LYRM4: variants seen among roughly 807,000 people sequenced by gnomAD.
LYRM4 encodes the protein LYR motif containing 4.
In LYRM4, 9 loss-of-function variants were observed where a neutral mutation model predicts 11.7. The ratio of observed to expected loss-of-function variants is 0.77; its 90% CI spans 0.46 to 1.34. The LOEUF is 1.34. LYRM4 is among the 40% of genes most tolerant of loss of function. The pLI, the probability that LYRM4 is intolerant of heterozygous loss-of-function variation, is 0.00. For missense variants in LYRM4, 133 were observed against 112.5 expected (o/e 1.18, Z -0.82); for synonymous variants, 42 against 40.4 (o/e 1.04, Z -0.15).
intron 1 of LYRM4, among the ~76,000 whole-genome samples, chr6:5,254,617 C>T (rs917488613): frequency 6.6e-6 from 1 of 152,192 alleles, no homozygotes; most frequent in African/African-American, 2.4e-5. Context: ...TGTGCCCTAA[C>T]AAAGGTAAGA....
chr6:5,075,172 C>T, the LYRM4 span, among the ~76,000 whole-genome samples: 1 of 152,150 alleles, frequency 6.6e-6, no homozygotes, highest in Non-Finnish European at 1.5e-5. Flanking sequence ...CCTGCAGAAC[C>T]GTGATCCAGT....
At chr6:5,162,416 T>C (rs934071072) in intron 2 of LYRM4, among the ~76,000 whole-genome samples, 1 of 152,086 alleles carries the variant, frequency 6.6e-6, no homozygotes, top group Non-Finnish European at 1.5e-5. Flanking sequence ...ATGACACTAC[T>C]GACCCTCGAC....
chr6:5,226,543 C>G (rs1186653384), intron 1 of LYRM4, among the ~76,000 whole-genome samples: 1 of 152,180 alleles, frequency 6.6e-6, no homozygotes, highest in Non-Finnish European at 1.5e-5. Context: ...TGCCACCATG[C>G]CCGGCTAATT....
the LYRM4 span, chr6:5,088,459 T>C: frequency 6.6e-6 from 1 of 152,226 alleles, no homozygotes; most frequent in Non-Finnish European, 1.5e-5. Context: ...GTGAGAATTA[T>C]ATAAAATATA....
the LYRM4 span, among the ~76,000 whole-genome samples, chr6:5,064,635 C>CAA: frequency 2.0e-5 from 3 of 152,224 alleles, no homozygotes; most frequent in Admixed American, 1.3e-4. Context: ...AACTCTTGGC[C>CAA]TCAAGGCAAT....
chr6:5,223,335 T>C lies in LYRM4; in HGVS notation c.87-6597A>G, dbSNP rs191470112. Among the ~76,000 whole-genome samples the C allele has an allele frequency of 1.3e-4, 20 of 152,324 alleles. No homozygotes were observed. In the East Asian group the frequency reaches 2.5e-3, roughly 19 times the overall value. ...AGCACAGAGTAGTGTGCTAAGTACT[T>C]GATACATATTGATCTCATTTAATCC... On this transcript the variant is annotated intron_variant, in intron 1 of 2. Transcript: ENST00000330636.
the LYRM4 span, among the ~76,000 whole-genome samples, chr6:5,038,847 G>A: frequency 1.0e-3 from 55 of 55,180 alleles, 9 homozygotes; most frequent in African/African-American, 2.9e-3. Flanking sequence ...GCCTTGGCTC[G>A]GCATCAGAGG....
chr6:5,178,090 T>G (rs1257501818), intron 2 of LYRM4, among the ~76,000 whole-genome samples: 1 of 152,222 alleles, frequency 6.6e-6, no homozygotes, highest in Non-Finnish European at 1.5e-5. Context: ...TAAAATTGTC[T>G]TTTCATCTTA....
chr6:5,073,485 T>A, the LYRM4 span, among the ~76,000 whole-genome samples: 1 of 148,482 alleles, frequency 6.7e-6, no homozygotes, highest in Non-Finnish European at 1.5e-5. Flanking sequence ...ATTTTATATA[T>A]CTATATATAT....
the LYRM4 span, among the ~76,000 whole-genome samples, chr6:5,040,352 G>GATAGATAGATAC: frequency 0.12 from 15,196 of 129,112 alleles, 1,011 homozygotes; most frequent in Non-Finnish European, 0.14. Context: ...TAGATAGATA[G>GATAGATAGATAC]ATACATACAT....
intron 2 of LYRM4, among the ~76,000 whole-genome samples, chr6:5,178,170 T>G (rs187882683): frequency 1.0e-3 from 157 of 152,266 alleles, no homozygotes; most frequent in African/African-American, 3.6e-3. Context: ...CACACATACT[T>G]TGTTTTGTAT....
At chr6:5,098,341 G>A in the LYRM4 span, among the ~76,000 whole-genome samples, 1 of 152,238 alleles carries the variant, frequency 6.6e-6, no homozygotes, top group Non-Finnish European at 1.5e-5. Flanking sequence ...CGGGAGTGAT[G>A]TAGGGCCAGG....
At chr6:5,159,192 G>C (rs1758602857) in intron 2 of LYRM4, among the ~76,000 whole-genome samples, 1 of 152,252 alleles carries the variant, frequency 6.6e-6, no homozygotes, top group Admixed American at 6.5e-5. Context: ...TGGTCCCCAT[G>C]GGGTCCTGGC....
downstream of LYRM4, chr6:5,106,089 C>T (rs1762656392): frequency 6.6e-6 from 1 of 152,334 alleles, no homozygotes; most frequent in African/African-American, 2.4e-5. Flanking sequence ...TAAATATCCC[C>T]TGGGGAGCCC....
intron 2 of LYRM4, among the ~76,000 whole-genome samples, chr6:5,125,286 A>T (rs1168968816): frequency 2.0e-5 from 3 of 152,168 alleles, no homozygotes; most frequent in African/African-American, 4.8e-5. Context: ...GCTGGGTGCC[A>T]GGCCCTCCCC....
At chr6:5,118,094 A>ATATATATATATATATTTTTTTTT in intron 2 of LYRM4, among the ~76,000 whole-genome samples, 1 of 86,130 alleles carries the variant, frequency 1.2e-5, no homozygotes, top group Non-Finnish European at 2.4e-5. Context: ...ATATATATAT[A>ATATATATATATATATTTTTTTTT]TTTTTGTTTT....
At chr6:5,178,986 C>CTA (rs1267639091) in intron 2 of LYRM4, among the ~76,000 whole-genome samples, 1 of 146,176 alleles carries the variant, frequency 6.8e-6, no homozygotes, top group Admixed American at 6.9e-5. Context: ...AGAAAATGAT[C>CTA]TATAGGCCAT....
intron 2 of LYRM4, chr6:5,138,840 A>AAT: frequency 1.2e-6 from 1 of 827,302 alleles, no homozygotes; most frequent in South Asian, 1.7e-5. Context: ...AGAGGTGTTT[A>AAT]AGACAGGTTA....
At chr6:5,145,002 A>G (rs569735826) in intron 2 of LYRM4, among the ~76,000 whole-genome samples, 11 of 151,844 alleles carry the variant, frequency 7.2e-5, no homozygotes, top group South Asian at 2.1e-4. Context: ...AGAAGGACAC[A>G]CTCTTCCCTG....
Sources: gnomAD v4.1 joint callset for allele counts (sites outside exome capture counted in the v4.1 genomes callset) on GRCh38, gnomAD v4.1.1 for gene constraint, MANE v1.5 for transcripts, NCBI Gene and HGNC (gene_info 2026-07-23, HGNC 2026-07-21) for gene names.